The following DRG1 variants were observed in gnomAD, a reference collection of about 807,000 sequenced individuals.
The protein encoded by DRG1 is developmentally-regulated GTP-binding protein 1.
In DRG1, 19 loss-of-function variants were observed where a neutral mutation model predicts 38.8. That is an observed-to-expected ratio of 0.49 (90% CI 0.34 to 0.72). The LOEUF (loss-of-function observed/expected upper bound fraction) is 0.72, where lower values mean the gene tolerates loss of function less well. Among genes scored for constraint, DRG1 ranks in the 30% least tolerant of loss-of-function variants. DRG1 has a pLI of 0.01. For missense variants in DRG1, 299 were observed against 444.8 expected (o/e 0.67, Z 2.95); for synonymous variants, 167 against 157.5 (o/e 1.06, Z -0.45).
intron 3 of DRG1, among the ~76,000 whole-genome samples, chr22:31,405,576 G>C (rs2049984958): frequency 6.6e-6 from 1 of 151,782 alleles, no homozygotes; most frequent in African/African-American, 2.4e-5. Context: ...TGAAGTTATA[G>C]TCATATTCCA....
intron 8 of DRG1, among the ~76,000 whole-genome samples, chr22:31,432,099 G>C (rs1200595762): frequency 6.6e-6 from 1 of 150,886 alleles, no homozygotes; most frequent in East Asian, 1.9e-4. Context: ...TTTGAGATAG[G>C]GTCTTGTTCT....
At chr22:31,411,103 A>G (rs970124267) in intron 4 of DRG1, 22 bp downstream of exon 4, 7 of 1,611,742 alleles carry the variant, frequency 4.3e-6, no homozygotes, top group Non-Finnish European at 5.9e-6. Context: ...AAGTGCCACC[A>G]TCCTGGGATA....
intron 4 of DRG1, among the ~76,000 whole-genome samples, chr22:31,417,063 CA>C (rs71319192): frequency 1.4e-4 from 20 of 143,474 alleles, no homozygotes; most frequent in African/African-American, 3.3e-4. Context: ...CACCCTGTCT[CA>C]AAAAAAAAAA....
At chr22:31,428,480 C>T (rs556967263) in intron 8 of DRG1, among the ~76,000 whole-genome samples, 7 of 151,772 alleles carry the variant, frequency 4.6e-5, no homozygotes, top group African/African-American at 9.7e-5. Context: ...CCCAAAGTGC[C>T]GGGATTACAG....
At chr22:31,414,977 T>C (rs953151274) in intron 4 of DRG1, among the ~76,000 whole-genome samples, 1 of 152,042 alleles carries the variant, frequency 6.6e-6, no homozygotes, top group African/African-American at 2.4e-5. Context: ...AGTCTCACTA[T>C]GTTGTTCAGG....
intron 3 of DRG1, among the ~76,000 whole-genome samples, chr22:31,404,599 A>G (rs1257407077): frequency 2.0e-5 from 3 of 151,522 alleles, no homozygotes; most frequent in African/African-American, 7.3e-5. Context: ...TTAATTCCTT[A>G]AAATTGTGTA....
At chr22:31,421,833 A>G (rs113338092) in intron 5 of DRG1, among the ~76,000 whole-genome samples, 2,081 of 152,200 alleles carry the variant, frequency 0.014, 54 homozygotes, top group African/African-American at 0.047. Flanking sequence ...AAAAGAAAAG[A>G]GAGCTGGGTG....
Position 31,416,137 on chromosome 22 carries a change from G to T in DRG1, c.413-4119G>T, listed in dbSNP as rs184570133. ...TATCCTGGCTAACACGGCAAAACCC[G>T]ATCTCTACTAAAAATACAAAAATTA... On this transcript the variant is annotated intron_variant, in intron 4 of 8. Coordinates refer to ENST00000331457, the MANE Select transcript of DRG1 (RefSeq NM_004147.4). Among the ~76,000 whole-genome samples the T allele has an allele frequency of 4.0e-3, 602 of 152,032 alleles. 7 individuals carry two copies. Among genetic ancestry groups the T allele is most frequent in the Non-Finnish European group, 6.4e-3 (432 of 67,974 alleles).
intron 4 of DRG1, among the ~76,000 whole-genome samples, chr22:31,414,534 G>C (rs2050034034): frequency 6.6e-6 from 1 of 152,036 alleles, no homozygotes; most frequent in Non-Finnish European, 1.5e-5. Flanking sequence ...TCTCAGTAAA[G>C]GCAAATTTAT....
intron 5 of DRG1, among the ~76,000 whole-genome samples, chr22:31,422,799 A>T (rs929696291): frequency 6.6e-6 from 1 of 152,210 alleles, no homozygotes; most frequent in African/African-American, 2.4e-5. Flanking sequence ...TTTATTTTTC[A>T]TAATTCTAGA....
At chr22:31,404,808 G>C (rs1205478355) in intron 3 of DRG1, among the ~76,000 whole-genome samples, 1 of 151,852 alleles carries the variant, frequency 6.6e-6, no homozygotes, top group Non-Finnish European at 1.5e-5. Context: ...ATTTTTAGTA[G>C]AGACGGAGTT....
intron 4 of DRG1, among the ~76,000 whole-genome samples, chr22:31,416,376 A>G (rs2050044514): frequency 6.6e-6 from 1 of 152,192 alleles, no homozygotes; most frequent in African/African-American, 2.4e-5. Context: ...AAGTCTTAAC[A>G]TAGCTTACAA....
chr22:31,403,285 C>T, intron 3 of DRG1, 81 bp downstream of exon 3: 1 of 1,418,764 alleles, frequency 7.0e-7, no homozygotes, highest in Non-Finnish European at 9.4e-7. Flanking sequence ...TCACTGTATG[C>T]CAGGCCTGAT....
chr22:31,411,530 CT>C (rs71319191), intron 4 of DRG1, among the ~76,000 whole-genome samples: 1,797 of 129,762 alleles, frequency 0.014, 10 homozygotes, highest in Middle Eastern at 0.021. Flanking sequence ...TCTGTCTTTT[CT>C]TTTTTTTTTT....
chr22:31,404,838 G>A (rs2049980957), intron 3 of DRG1, among the ~76,000 whole-genome samples: 1 of 151,930 alleles, frequency 6.6e-6, no homozygotes, highest in East Asian at 1.9e-4. Context: ...TTGCCAGGCT[G>A]GTTTTGAACT....
chr22:31,424,642 G>A (rs1169460856), intron 6 of DRG1, among the ~76,000 whole-genome samples: 1 of 150,736 alleles, frequency 6.6e-6, no homozygotes, highest in African/African-American at 2.4e-5. Context: ...GGGATTATAG[G>A]CGCCTGCCAC....
chr22:31,417,791 G>A (rs1003404724), intron 4 of DRG1, among the ~76,000 whole-genome samples: 2 of 151,518 alleles, frequency 1.3e-5, no homozygotes, highest in African/African-American at 4.9e-5. Flanking sequence ...GAAAGTTTGA[G>A]ACCAGCCTGA....
intron 4 of DRG1, 46 bp downstream of exon 4, chr22:31,411,127 T>C: frequency 6.3e-7 from 1 of 1,594,346 alleles, no homozygotes; most frequent in Non-Finnish European, 8.6e-7. Flanking sequence ...TTCCCTTCTC[T>C]GGTACTATTC....
intron 4 of DRG1, among the ~76,000 whole-genome samples, chr22:31,414,304 G>A (rs1401213188): frequency 6.6e-6 from 1 of 152,050 alleles, no homozygotes; most frequent in East Asian, 1.9e-4. Context: ...ACATATCTCT[G>A]CTTGGATGTC....
Sources: gnomAD v4.1 joint callset for allele counts (sites outside exome capture counted in the v4.1 genomes callset) on GRCh38, gnomAD v4.1.1 for gene constraint, MANE v1.5 for transcripts, NCBI Gene and HGNC (gene_info 2026-07-23, HGNC 2026-07-21) for gene names.